Variants in IQSEC1 observed in about 807,000 individuals in gnomAD.
The protein encoded by IQSEC1 is IQ motif and SEC7 domain-containing protein 1.
Under a neutral mutation model 91.0 loss-of-function variants are expected in IQSEC1, and 31 were observed. The ratio of observed to expected loss-of-function variants is 0.34; its 90% confidence interval spans 0.26 to 0.46. The LOEUF (loss-of-function observed/expected upper bound fraction) is 0.46, where lower values mean the gene tolerates loss of function less well. Ranked by LOEUF, IQSEC1 falls within the 20% of genes least tolerant of loss-of-function variation. The pLI is 1.00. For missense variants in IQSEC1, 1,388 were observed against 1,575.6 expected, an observed-to-expected ratio of 0.88 and a Z score of 2.02; for synonymous variants, 699 against 662.6, an observed-to-expected ratio of 1.05 and a Z score of -0.84.
chr3:13,013,657 T>A (rs1702989175), intron 1 of IQSEC1, among the ~76,000 whole-genome samples: 1 of 152,340 alleles, frequency 6.6e-6, no homozygotes, highest in South Asian at 2.1e-4. Flanking sequence ...GTCATCCCCA[T>A]GACCTATCAT....
At chr3:13,084,889 C>T (rs892652076) in intron 2 of IQSEC1, among the ~76,000 whole-genome samples, 2 of 144,020 alleles carry the variant, frequency 1.4e-5, no homozygotes, top group South Asian at 4.5e-4. Flanking sequence ...TAAGGGCAGC[C>T]TGGGCTATGA....
chr3:13,108,215 T>C (rs1706185545), intron 2 of IQSEC1, among the ~76,000 whole-genome samples: 1 of 152,208 alleles, frequency 6.6e-6, no homozygotes, highest in Non-Finnish European at 1.5e-5. Context: ...CCCTCATTTT[T>C]TAAAACCCTA....
chr3:13,204,013 T>C (rs905555562), intron 1 of IQSEC1, among the ~76,000 whole-genome samples: 3 of 152,170 alleles, frequency 2.0e-5, no homozygotes, highest in Non-Finnish European at 4.4e-5. Context: ...GCTCAGAATG[T>C]CCCCAGCTCC....
At position 13,090,432 on chromosome 3, in the gene IQSEC1, T is replaced by C. The variant is rs371989828; in HGVS notation, c.303-42910A>G. Among the ~76,000 whole-genome samples the C allele has an allele frequency of 6.0e-4, 91 of 152,292 alleles. 1 individual carries two copies. In the South Asian group the frequency reaches 0.016, roughly 27 times the overall value. On this transcript the variant is annotated intron_variant, in intron 2 of 15. Transcript: ENST00000648114. ...AGTGAGTGGATGTATGAATGAATGA[T>C]TGCAATCTGAGCTCAAGGTGCTGCT...
chr3:13,258,653 T>C (rs978440908), intron 1 of IQSEC1, among the ~76,000 whole-genome samples: 1 of 151,802 alleles, frequency 6.6e-6, no homozygotes, highest in African/African-American at 2.4e-5. Flanking sequence ...GCCACTGCAA[T>C]CCAGCCTGGG....
At position 12,913,483 on chromosome 3, in the gene IQSEC1, G is replaced by T; in HGVS notation, c.2261C>A (p.Pro754His). The change falls in exon 9 of 14, where the codon CCC becomes CAC. Residue 754 changes from proline to histidine, a missense_variant. Physicochemically the swap from Pro to His is moderately conservative, Grantham distance 77. This residue lies in a region of IQSEC1 where 1,059 missense variants were observed against 1,317.8 expected (regional missense o/e 0.80). Coordinates refer to ENST00000613206, the MANE Select transcript of IQSEC1 (RefSeq NM_001134382.3). ...TCGCTGGTGTAGTCCGAGTTTCTGG[G>T]GCTTGTTTGGGTCTGGAACCTCAAA... ...RLFEVPDPNK[P>H]QKLGLHQREI... 1 of 1,608,580 alleles carries T rather than the reference G, an allele frequency of 6.2e-7. No individual in the cohort carries two copies. Among genetic ancestry groups the T allele is most frequent in the Non-Finnish European group, 8.5e-7 (1 of 1,176,580 alleles).
chr3:12,906,333 C>T (rs944601440), intron 12 of IQSEC1, among the ~76,000 whole-genome samples: 1 of 152,188 alleles, frequency 6.6e-6, no homozygotes, highest in African/African-American at 2.4e-5. Context: ...CGCTGGGGAG[C>T]TTGCAGCCCC....
At chr3:13,150,975 T>G (rs886913242) in intron 2 of IQSEC1, among the ~76,000 whole-genome samples, 5 of 152,178 alleles carry the variant, frequency 3.3e-5, no homozygotes, top group Non-Finnish European at 7.3e-5. Flanking sequence ...CATGGCCCTG[T>G]CATCCCAGGG....
chr3:13,204,084 A>T (rs1420525734), intron 1 of IQSEC1, among the ~76,000 whole-genome samples: 2 of 152,106 alleles, frequency 1.3e-5, no homozygotes, highest in African/African-American at 4.8e-5. Context: ...TTCAGAAGGG[A>T]GGACGCAGGC....
At chr3:13,189,843 C>A (rs985633671) in intron 1 of IQSEC1, among the ~76,000 whole-genome samples, 1 of 152,230 alleles carries the variant, frequency 6.6e-6, no homozygotes, top group Non-Finnish European at 1.5e-5. Context: ...TGTGAGCTGT[C>A]CCCACACCCC....
At chr3:13,189,028 C>T (rs368284812) in intron 1 of IQSEC1, among the ~76,000 whole-genome samples, 79 of 152,370 alleles carry the variant, frequency 5.2e-4, no homozygotes, top group African/African-American at 1.1e-3. Flanking sequence ...TGGCCTCTGC[C>T]CAGTCTCTCT....
intron 2 of IQSEC1, among the ~76,000 whole-genome samples, chr3:12,937,956 G>A (rs13317732): frequency 0.035 from 5,296 of 152,228 alleles, 300 homozygotes; most frequent in African/African-American, 0.12. Context: ...GGAGAGGGCG[G>A]GGTGAACCCT....
Position 12,899,031 on chromosome 3 carries a change from G to A in IQSEC1, c.*1952C>T, listed in dbSNP as rs923657132. The A allele has an allele frequency of 3.6e-5, 10 of 277,718 alleles. No homozygotes were observed. Among genetic ancestry groups the A allele is most frequent in the Non-Finnish European group, 7.0e-5 (10 of 142,858 alleles). The allele number at this position is 277,718 out of a possible 1,614,324, so 17.2% of individuals were successfully genotyped here. A position where few individuals can be genotyped will look rare whatever the true frequency, so the allele number is the denominator to read the frequency against. Reference sequence around the variant, plus strand: ...AATGCCACGCCAATGGGAGGACACAGGTGGGCGGGTTAAAGTCACATTTTT... The same window carrying A: ...AATGCCACGCCAATGGGAGGACACAAGTGGGCGGGTTAAAGTCACATTTTT... On this transcript the variant is annotated 3_prime_UTR_variant, in exon 14 of 14. Transcript: ENST00000613206.
rs555463583 is a variant in IQSEC1 at position 13,023,207 on chromosome 3, G to A, written c.23+49785C>T. On this transcript the variant is annotated intron_variant, in intron 1 of 13. Transcript: ENST00000613206. ...TCTCTGTAGGGATGGAGTGGGGTGG[G>A]ATGAAGGGCTGGAGCCTCTGAGCAG... is the stretch of plus-strand genomic sequence containing the variant. Among the ~76,000 whole-genome samples, 4 of 152,264 alleles carry A rather than the reference G, an allele frequency of 2.6e-5. No homozygotes were observed. The South Asian group carries it at 6.2e-4, about 24-fold the overall frequency.
At chr3:12,933,635 G>A (rs1363788694) in intron 3 of IQSEC1, among the ~76,000 whole-genome samples, 1 of 152,144 alleles carries the variant, frequency 6.6e-6, no homozygotes, top group Admixed American at 6.5e-5. Context: ...GGGTTATGCT[G>A]CCCAAGGACA....
At chr3:13,005,273 G>A (rs1047044798) in intron 1 of IQSEC1, among the ~76,000 whole-genome samples, 1 of 152,172 alleles carries the variant, frequency 6.6e-6, no homozygotes, top group African/African-American at 2.4e-5. Flanking sequence ...TCACGGTGTG[G>A]GGGAAGGATC....
In IQSEC1 at chr3:12,935,585, G is replaced by A. The variant is rs371347925; in HGVS notation, c.1431C>T (p.Ser477=). ...DTINCSSESS[S]RDSLREQTLS... The stretch of plus-strand genomic sequence containing the variant: ...GCGTCTGCTCCCGCAGGCTGTCACG[G>A]GACGATGACTCGGAGCTGCAGTTGA... Residue 477 remains serine, a synonymous_variant, in exon 3 of 14, where the codon TCC becomes TCT. Coordinates refer to ENST00000613206, the MANE Select transcript of IQSEC1 (RefSeq NM_001134382.3). This position sits in a 1 kb window ranked among gnomAD's most constrained non-coding sequence, Gnocchi z 8.0. 3.7e-4 allele frequency: 599 copies of A among 1,614,132 alleles called. 7 individuals carry two copies. In the South Asian group the frequency reaches 4.4e-3, roughly 12 times the overall value.
chr3:13,164,689 G>A (rs141338636), intron 1 of IQSEC1, among the ~76,000 whole-genome samples: 7 of 152,260 alleles, frequency 4.6e-5, no homozygotes, highest in African/African-American at 1.7e-4. Flanking sequence ...ATTGTATTGC[G>A]CACTTGAACT....
intron 1 of IQSEC1, among the ~76,000 whole-genome samples, chr3:13,232,359 A>G (rs1020356656): frequency 6.6e-6 from 1 of 152,228 alleles, no homozygotes; most frequent in African/African-American, 2.4e-5. Context: ...AAGGGGGTCC[A>G]CTGCCCCCAA....
Sources: gnomAD v4.1 joint callset for allele counts (sites outside exome capture counted in the v4.1 genomes callset) on GRCh38, gnomAD v4.1.1 for gene constraint, gnomAD v4.1.1 regional missense constraint, Gnocchi (gnomAD v3.1) non-coding constraint, MANE v1.5 for transcripts, NCBI Gene and HGNC (gene_info 2026-07-23, HGNC 2026-07-21) for gene names.